Variants in CSMD1 observed in about 807,000 individuals in gnomAD.
CSMD1 encodes CUB and sushi domain-containing protein 1.
CSMD1 carries 213 observed loss-of-function variants against 417.5 expected under a neutral mutation model. That is an observed-to-expected ratio of 0.51 (90% CI 0.46 to 0.57). The LOEUF (loss-of-function observed/expected upper bound fraction) is 0.57. Ranked by LOEUF, CSMD1 falls within the 20% of genes least tolerant of loss-of-function variation. The pLI is 0.00. For synonymous variants in CSMD1, 2,862 were observed against 1,736.8 expected, an observed-to-expected ratio of 1.65 and a Z score of -16.11; for missense variants, 6,923 against 4,529.7, an observed-to-expected ratio of 1.53 and a Z score of -15.17.
intron 8 of CSMD1, among the ~76,000 whole-genome samples, chr8:3,601,074 T>C (rs1222426159): frequency 6.6e-6 from 1 of 152,164 alleles, no homozygotes; most frequent in Admixed American, 6.5e-5. Context: ...GCAAGCTTGA[T>C]ACCAGGTCAT....
chr8:4,535,166 G>A (rs919911936), intron 2 of CSMD1, among the ~76,000 whole-genome samples: 1 of 152,098 alleles, frequency 6.6e-6, no homozygotes, highest in African/African-American at 2.4e-5. Flanking sequence ...ATATAATGCA[G>A]TATAATCTAT....
At chr8:3,286,726 C>G (rs1055087193) in intron 25 of CSMD1, among the ~76,000 whole-genome samples, 1 of 151,906 alleles carries the variant, frequency 6.6e-6, no homozygotes, top group African/African-American at 2.4e-5. Flanking sequence ...GTTATTAGCC[C>G]TTTGTCAGAT....
rs77778529 is a variant in CSMD1, at chr8:3,821,365, G to A, written c.819-67323C>T. Among the ~76,000 whole-genome samples, 216 of 152,310 alleles carry A rather than the reference G, an allele frequency of 1.4e-3. 8 individuals are homozygous for A. In the East Asian group the frequency reaches 0.034, roughly 24 times the overall value. ...AGATGCATGAGACCCGTCTAAGACTGGCAGCGCAGGTTTGCATATGGCACC... is the reference window on the plus strand; with the variant it reads ...AGATGCATGAGACCCGTCTAAGACTAGCAGCGCAGGTTTGCATATGGCACC... On this transcript the variant is annotated intron_variant, in intron 5 of 69. Transcript: ENST00000635120.
intron 3 of CSMD1, among the ~76,000 whole-genome samples, chr8:4,145,700 T>G (rs768923168): frequency 6.6e-6 from 1 of 151,008 alleles, no homozygotes; most frequent in Non-Finnish European, 1.5e-5. Flanking sequence ...CATTCCGCAT[T>G]TCTTAATGAA....
intron 10 of CSMD1, among the ~76,000 whole-genome samples, chr8:3,530,018 G>A (rs1000476922): frequency 2.6e-5 from 4 of 152,096 alleles, no homozygotes; most frequent in South Asian, 4.1e-4. Context: ...TTTTATCAGT[G>A]ATAGAAGAAT....
rs115089698 is a variant in CSMD1 at position 3,861,895 on chromosome 8, C to G, written c.819-107853G>C. Among the ~76,000 whole-genome samples the G allele has an allele frequency of 4.3e-3, 650 of 152,240 alleles. 4 individuals are homozygous for G. The highest frequency in any genetic ancestry group is 0.015 in the African/African-American group (613 of 41,544). On this transcript the variant is annotated intron_variant, in intron 5 of 69. Coordinates refer to ENST00000635120, the MANE Select transcript of CSMD1 (RefSeq NM_033225.6). ...AAACCCACAGTGGAAGTCATAGCAT[C>G]CAACATGCCTGCATTCCAGGATTTC...
intron 5 of CSMD1, among the ~76,000 whole-genome samples, chr8:3,890,206 A>G (rs2627341): frequency 0.033 from 5,045 of 152,272 alleles, 287 homozygotes; most frequent in African/African-American, 0.12. Flanking sequence ...GAAGAATACA[A>G]TTTTACTTTT....
intron 8 of CSMD1, among the ~76,000 whole-genome samples, chr8:3,602,774 T>G (rs59525478): frequency 0.033 from 5,008 of 152,094 alleles, 96 homozygotes; most frequent in Middle Eastern, 0.088. Context: ...GAAGGTCATT[T>G]TGAAGAGCAT....
intron 3 of CSMD1, among the ~76,000 whole-genome samples, chr8:4,370,022 G>T (rs1584969488): frequency 6.6e-6 from 1 of 151,858 alleles, no homozygotes; most frequent in Admixed American, 6.6e-5. Flanking sequence ...AGACTTAGTT[G>T]TATAGTTGAT....
chr8:4,196,338 C>A (rs1799339346), intron 3 of CSMD1, among the ~76,000 whole-genome samples: 1 of 152,216 alleles, frequency 6.6e-6, no homozygotes, highest in African/African-American at 2.4e-5. Context: ...AATAGAGCGG[C>A]TTAAGAGAAT....
At chr8:4,326,793 A>C (rs1799587107) in intron 3 of CSMD1, among the ~76,000 whole-genome samples, 2 of 152,126 alleles carry the variant, frequency 1.3e-5, no homozygotes, top group Non-Finnish European at 2.9e-5. Flanking sequence ...AATTCAGCTA[A>C]GAAATCACCA....
At chr8:4,018,297 C>T (rs780991361) in intron 4 of CSMD1, among the ~76,000 whole-genome samples, 1 of 151,954 alleles carries the variant, frequency 6.6e-6, no homozygotes, top group Non-Finnish European at 1.5e-5. Flanking sequence ...GGATTACAGT[C>T]TGTGGCCATT....
At chr8:3,683,735 T>A (rs1799790237) in intron 7 of CSMD1, among the ~76,000 whole-genome samples, 1 of 152,234 alleles carries the variant, frequency 6.6e-6, no homozygotes, top group African/African-American at 2.4e-5. Flanking sequence ...TAGGTTCAAC[T>A]CAAACCCAGG....
At chr8:4,656,000 T>A (rs1161702736) in intron 1 of CSMD1, among the ~76,000 whole-genome samples, 1 of 152,066 alleles carries the variant, frequency 6.6e-6, no homozygotes. Flanking sequence ...AAAATAAACC[T>A]ACTCAATACA....
intron 1 of CSMD1, among the ~76,000 whole-genome samples, chr8:4,831,309 T>C (rs981449508): frequency 6.6e-6 from 1 of 152,192 alleles, no homozygotes; most frequent in Non-Finnish European, 1.5e-5. Flanking sequence ...TTGGATCACA[T>C]CTTCTTCCTA....
rs1245020348 is a variant in CSMD1, at chr8:4,117,279, A to G, written c.416-85180T>C. 2.6e-5 allele frequency among the ~76,000 whole-genome samples: 4 copies of G among 151,810 alleles called. No individual in the cohort carries two copies. In the East Asian group the frequency reaches 7.8e-4, roughly 30 times the overall value. On this transcript the variant is annotated intron_variant, in intron 3 of 69. Transcript: ENST00000635120. ...CTATAATCCCAAGGAACTCACTCGA[A>G]GCAGCATGCGTGGCTGGCTGGTGGG... is the stretch of plus-strand genomic sequence containing the variant.
intron 3 of CSMD1, among the ~76,000 whole-genome samples, chr8:4,186,232 T>A (rs1227402082): frequency 6.6e-6 from 1 of 152,110 alleles, no homozygotes; most frequent in Non-Finnish European, 1.5e-5. Flanking sequence ...GGCCAAACTG[T>A]GTTGCCATAC....
At chr8:3,977,863 G>T (rs755768208) in intron 5 of CSMD1, among the ~76,000 whole-genome samples, 4 of 152,198 alleles carry the variant, frequency 2.6e-5, no homozygotes, top group Non-Finnish European at 5.9e-5. Flanking sequence ...AGGAAAATAG[G>T]CTGAGAATAA....
Position 3,928,673 on chromosome 8 carries a change from A to ATT in CSMD1, c.818+69228_818+69229dup, listed in dbSNP as rs111386273. On this transcript the variant is annotated intron_variant, in intron 5 of 69. Coordinates refer to ENST00000635120, the MANE Select transcript of CSMD1 (RefSeq NM_033225.6). ...TAAAAATGGTTTAAAGAAGGTATAG[A>ATT]TTTTTTTTTAAATTGCTCCTGCTCT... 6.7e-5 allele frequency among the ~76,000 whole-genome samples: 10 copies of ATT among 149,418 alleles called. 1 individual carries two copies. Among genetic ancestry groups the ATT allele is most frequent in the African/African-American group, 2.5e-4 (10 of 40,130 alleles).
Sources: gnomAD v4.1 joint callset for allele counts (sites outside exome capture counted in the v4.1 genomes callset) on GRCh38, gnomAD v4.1.1 for gene constraint, MANE v1.5 for transcripts, NCBI Gene and HGNC (gene_info 2026-07-23, HGNC 2026-07-21) for gene names.